PON3: variants seen among roughly 807,000 people sequenced by gnomAD.
PON3 encodes the protein paraoxonase 3, also known as serum paraoxonase/lactonase 3.
Under a neutral mutation model 36.3 loss-of-function variants are expected in PON3, and 37 were observed. That is an observed-to-expected ratio of 1.02 (90% CI 0.78 to 1.34). PON3 has a LOEUF of 1.34. Ranked by LOEUF, PON3 falls within the 40% of genes most tolerant of loss-of-function variation. The pLI, the probability that PON3 is intolerant of heterozygous loss-of-function variation, is 0.00. For missense variants in PON3, 415 were observed against 426.5 expected (o/e 0.97, Z 0.24); for synonymous variants, 155 against 154.8 (o/e 1.00, Z -0.01).
intron 2 of PON3, among the ~76,000 whole-genome samples, chr7:95,394,220 G>A (rs1441098019): frequency 2.8e-4 from 43 of 152,040 alleles, no homozygotes; most frequent in Admixed American, 2.8e-3. Context: ...TTGAGGGGAG[G>A]GGCTGAGTCA....
intron 3 of PON3, among the ~76,000 whole-genome samples, chr7:95,379,790 G>A (rs866979359): frequency 5.9e-5 from 9 of 152,312 alleles, no homozygotes; most frequent in African/African-American, 1.7e-4. Context: ...GGGCATAGCC[G>A]AACAAAAGGC....
intron 3 of PON3, among the ~76,000 whole-genome samples, chr7:95,378,265 A>T (rs1157243630): frequency 6.6e-6 from 1 of 152,204 alleles, no homozygotes; most frequent in African/African-American, 2.4e-5. Context: ...GAAAAGACCA[A>T]ATCTACGTTT....
intron 7 of PON3, 62 bp downstream of exon 7, chr7:95,362,698 T>C (rs749491031): frequency 8.9e-6 from 13 of 1,460,698 alleles, no homozygotes; most frequent in Admixed American, 5.1e-5. Context: ...GGCACATTCC[T>C]GGGTCAAGTA....
chr7:95,393,979 C>T (rs1272677288), intron 2 of PON3, among the ~76,000 whole-genome samples: 1 of 152,106 alleles, frequency 6.6e-6, no homozygotes, highest in Non-Finnish European at 1.5e-5. Context: ...CTGCAACCTC[C>T]GATGACTCCC....
chr7:95,393,195 A>T (rs1021519061), intron 2 of PON3, among the ~76,000 whole-genome samples: 1 of 152,264 alleles, frequency 6.6e-6, no homozygotes, highest in Non-Finnish European at 1.5e-5. Context: ...ATAGAAAATC[A>T]TATCCCAAAA....
chr7:95,392,845 C>T (rs562280178), intron 2 of PON3, among the ~76,000 whole-genome samples: 2 of 152,318 alleles, frequency 1.3e-5, no homozygotes, highest in East Asian at 3.9e-4. Flanking sequence ...CAGGGTCCAG[C>T]GTCCCTAAAG....
chr7:95,361,323 G>T (rs577680636), intron 8 of PON3, among the ~76,000 whole-genome samples: 1 of 152,150 alleles, frequency 6.6e-6, no homozygotes, highest in Admixed American at 6.5e-5. Flanking sequence ...AGAAATAACT[G>T]TATGTCCTAA....
chr7:95,396,121 C>T (rs1809426029), intron 1 of PON3, 156 bp downstream of exon 1: 2 of 784,162 alleles, frequency 2.6e-6, no homozygotes, highest in Non-Finnish European at 4.5e-6. Context: ...TCCCCATAAG[C>T]GAGTCTCAAG....
chr7:95,385,453 C>T (rs957455907), intron 3 of PON3, among the ~76,000 whole-genome samples: 1 of 152,110 alleles, frequency 6.6e-6, no homozygotes, highest in Non-Finnish European at 1.5e-5. Context: ...GACTTAGACT[C>T]CCACACAATA....
At chr7:95,364,145 A>G (rs1431069975) in intron 5 of PON3, 82 bp from the exon 6 acceptor site, 1 of 1,050,546 alleles carries the variant, frequency 9.5e-7, no homozygotes, top group Non-Finnish European at 1.5e-6. Context: ...TCATCTCTAC[A>G]TAGACTAATA....
In PON3 at chr7:95,376,836, G is replaced by C. The variant is rs533188399; in HGVS notation, c.202-4498C>G. 2.6e-5 allele frequency among the ~76,000 whole-genome samples: 4 copies of C among 152,334 alleles called. No individual in the cohort carries two copies. In the South Asian group the frequency reaches 8.3e-4, roughly 32 times the overall value. ...TGCGGCTCCCAGTGAGATCAACACA[G>C]AAGACAGGTGATTTCTGCATTTCCG... On this transcript the variant is annotated intron_variant, in intron 3 of 8. Coordinates refer to ENST00000265627, the MANE Select transcript of PON3 (RefSeq NM_000940.3).
chr7:95,394,815 A>G, intron 1 of PON3, 101 bp from the exon 2 acceptor site: 1 of 912,136 alleles, frequency 1.1e-6, no homozygotes, highest in East Asian at 2.5e-5. Flanking sequence ...AACTATCTTT[A>G]TCATAATTTA....
intron 1 of PON3, 54 bp downstream of exon 1, chr7:95,396,223 A>C: frequency 6.3e-7 from 1 of 1,590,126 alleles, no homozygotes; most frequent in Non-Finnish European, 8.6e-7. Context: ...CCCTGACCTC[A>C]CTTGGAAGAG....
At chr7:95,394,512 A>G in intron 2 of PON3, 132 bp downstream of exon 2, 1 of 761,918 alleles carries the variant, frequency 1.3e-6, no homozygotes, top group Non-Finnish European at 2.3e-6. Context: ...CATGGGGCAG[A>G]GTGGACGGGG....
chr7:95,368,458 G>A (rs1039470074), intron 4 of PON3, among the ~76,000 whole-genome samples: 5 of 152,208 alleles, frequency 3.3e-5, no homozygotes, highest in African/African-American at 7.2e-5. Context: ...GGCTCAGGGC[G>A]TGGCAAACAG....
chr7:95,369,472 A>G (rs896550115), intron 4 of PON3, among the ~76,000 whole-genome samples: 1 of 151,266 alleles, frequency 6.6e-6, no homozygotes, highest in Admixed American at 6.6e-5. Flanking sequence ...TTAACATTTA[A>G]AAAAAAAAGT....
At chr7:95,378,830 A>G (rs1348170336) in intron 3 of PON3, among the ~76,000 whole-genome samples, 1 of 152,264 alleles carries the variant, frequency 6.6e-6, no homozygotes, top group Non-Finnish European at 1.5e-5. Flanking sequence ...TGATGACATG[A>G]AGAAACTGCA....
chr7:95,362,175 G>A (rs1808584335), intron 8 of PON3, among the ~76,000 whole-genome samples, 187 bp downstream of exon 8: 1 of 152,178 alleles, frequency 6.6e-6, no homozygotes, highest in African/African-American at 2.4e-5. Flanking sequence ...TTATTGAAAA[G>A]TTAATGGTGG....
chr7:95,392,586 T>C (rs757905), intron 2 of PON3, among the ~76,000 whole-genome samples: 67,008 of 152,048 alleles, frequency 0.44, 15,818 homozygotes, highest in East Asian at 0.74. Context: ...CACTCTGATA[T>C]CCTATTCCAC....
Sources: allele counts gnomAD v4.1 joint callset (sites outside exome capture counted in the v4.1 genomes callset), GRCh38; gene constraint gnomAD v4.1.1; transcripts MANE v1.5; gene names NCBI Gene and HGNC (gene_info 2026-07-23, HGNC 2026-07-21).